DGKB: variants seen among roughly 807,000 people sequenced by gnomAD.
DGKB encodes the protein diacylglycerol kinase beta.
DGKB carries 67 observed loss-of-function variants against 114.3 expected under a neutral mutation model. The ratio of observed to expected loss-of-function variants is 0.59; its 90% CI spans 0.48 to 0.72. The LOEUF is 0.72. DGKB is among the 30% of genes least tolerant of loss of function. The pLI is 0.00. For missense variants in DGKB, 907 were observed against 975.2 expected, an observed-to-expected ratio of 0.93 and a Z score of 0.93; for synonymous variants, 398 against 323.1, an observed-to-expected ratio of 1.23 and a Z score of -2.49.
rs138354036 is a variant in DGKB at position 14,879,289 on chromosome 7, T to C, written c.-188+23303A>G. 3.3e-3 allele frequency among the ~76,000 whole-genome samples: 494 copies of C among 150,200 alleles called. 5 individuals are homozygous for C. Among genetic ancestry groups the C allele is most frequent in the Non-Finnish European group, 5.1e-3 (346 of 68,022 alleles). On this transcript the variant is annotated intron_variant, in intron 1 of 25. Coordinates refer to ENST00000402815, the MANE Select transcript of DGKB (RefSeq NM_001350709.2). ...TGTCTATGTTAGGGAGCCCAGTCTA[T>C]CTAAAAAAATATTTAATATGGTAAA...
rs143573614 is a variant in DGKB, at chr7:14,146,061, G to A, written c.*3070C>T. On this transcript the variant is annotated 3_prime_UTR_variant, in exon 26 of 26. Coordinates refer to ENST00000402815, the MANE Select transcript of DGKB (RefSeq NM_001350709.2). Reference sequence around the variant, plus strand: ...TGTTTTATTCTGGCTATGATCACATGAACCTGTTTTAAATAAAATAAAAAC... The same window carrying A: ...TGTTTTATTCTGGCTATGATCACATAAACCTGTTTTAAATAAAATAAAAAC... 1 of 152,154 alleles carries A rather than the reference G, an allele frequency of 6.6e-6. No homozygotes were observed. Among genetic ancestry groups the A allele is most frequent in the Non-Finnish European group, 1.5e-5 (1 of 68,024 alleles). 9.4% of individuals were successfully genotyped at this position (152,154 alleles called of 1,614,324 possible). A position where few individuals can be genotyped will look rare whatever the true frequency, so the allele number is the denominator to read the frequency against.
intron 17 of DGKB, among the ~76,000 whole-genome samples, chr7:14,591,551 T>C (rs1168577992): frequency 6.6e-6 from 1 of 152,100 alleles, no homozygotes; most frequent in African/African-American, 2.4e-5. Flanking sequence ...TCTTTTTTTA[T>C]CATATTTGCT....
At chr7:14,485,059 T>C (rs1783560662) in intron 20 of DGKB, among the ~76,000 whole-genome samples, 1 of 150,004 alleles carries the variant, frequency 6.7e-6, no homozygotes, top group African/African-American at 2.5e-5. Flanking sequence ...CTGAGTCCTA[T>C]GGGGAAAAAT....
At chr7:14,746,063 C>T (rs1833239404) in intron 4 of DGKB, among the ~76,000 whole-genome samples, 2 of 152,150 alleles carry the variant, frequency 1.3e-5, no homozygotes, top group Non-Finnish European at 2.9e-5. Flanking sequence ...ATCATTCATT[C>T]AGGCTGGGCA....
intron 13 of DGKB, among the ~76,000 whole-genome samples, chr7:14,646,128 C>G (rs1389151668): frequency 6.6e-6 from 1 of 152,138 alleles, no homozygotes; most frequent in African/African-American, 2.4e-5. Flanking sequence ...ACAAAAATCT[C>G]ACTTCACTTG....
chr7:14,868,804 G>A (rs780797788), intron 1 of DGKB, among the ~76,000 whole-genome samples: 1 of 152,126 alleles, frequency 6.6e-6, no homozygotes, highest in Non-Finnish European at 1.5e-5. Context: ...CAAAGCTGAG[G>A]TGAAATTAAA....
intron 1 of DGKB, among the ~76,000 whole-genome samples, chr7:14,933,150 T>G (rs1194600413): frequency 1.3e-5 from 2 of 152,206 alleles, no homozygotes; most frequent in Non-Finnish European, 2.9e-5. Context: ...AGGCACTAAC[T>G]ACCAGAATTT....
chr7:14,863,578 A>T (rs1851287099), intron 1 of DGKB, among the ~76,000 whole-genome samples: 2 of 152,038 alleles, frequency 1.3e-5, no homozygotes, highest in Admixed American at 6.6e-5. Context: ...CCTAAATAAG[A>T]ATGCTGTAAT....
At chr7:14,807,735 T>A (rs1842947033) in intron 2 of DGKB, among the ~76,000 whole-genome samples, 1 of 152,008 alleles carries the variant, frequency 6.6e-6, no homozygotes, top group South Asian at 2.1e-4. Context: ...AGACATTTTA[T>A]GGTAGAATAA....
intron 2 of DGKB, among the ~76,000 whole-genome samples, chr7:14,825,210 T>C (rs982848665): frequency 1.3e-5 from 2 of 151,480 alleles, no homozygotes; most frequent in Non-Finnish European, 2.9e-5. Context: ...AGATCACTGG[T>C]CCCCAGACTT....
chr7:14,160,446 T>G (rs1783706214), intron 25 of DGKB, among the ~76,000 whole-genome samples: 1 of 152,182 alleles, frequency 6.6e-6, no homozygotes. Context: ...ACAAAATCAA[T>G]GTGCAAGAAT....
chr7:14,677,533 A>C (rs1477789655), intron 12 of DGKB, among the ~76,000 whole-genome samples: 2 of 152,028 alleles, frequency 1.3e-5, no homozygotes, highest in Non-Finnish European at 2.9e-5. Flanking sequence ...TCATAGCAAA[A>C]GTTAGTAATT....
At chr7:14,529,756 T>C (rs1039059645) in intron 20 of DGKB, among the ~76,000 whole-genome samples, 9 of 151,826 alleles carry the variant, frequency 5.9e-5, no homozygotes, top group Non-Finnish European at 1.3e-4. Context: ...CTCCAACAGG[T>C]CCATGAAACA....
At chr7:14,159,072 C>G (rs182032290) in intron 25 of DGKB, among the ~76,000 whole-genome samples, 2 of 152,260 alleles carry the variant, frequency 1.3e-5, no homozygotes, top group African/African-American at 4.8e-5. Context: ...ACTCACATCA[C>G]TTTCCTGTTG....
At chr7:14,233,870 C>T (rs965525671) in intron 23 of DGKB, among the ~76,000 whole-genome samples, 4 of 151,954 alleles carry the variant, frequency 2.6e-5, no homozygotes, top group Non-Finnish European at 4.4e-5. Context: ...GAGAGAAAGC[C>T]GGAAATAAAG....
chr7:14,316,304 A>G (rs1239668943), intron 23 of DGKB, among the ~76,000 whole-genome samples: 2 of 146,594 alleles, frequency 1.4e-5, no homozygotes, highest in African/African-American at 5.1e-5. Flanking sequence ...TGAAGGAAAT[A>G]GAGACACAAA....
At chr7:14,352,059 C>A (rs914001080) in intron 21 of DGKB, among the ~76,000 whole-genome samples, 2 of 152,092 alleles carry the variant, frequency 1.3e-5, no homozygotes, top group Non-Finnish European at 2.9e-5. Context: ...ATTCAAATGA[C>A]AGATAAAAAT....
chr7:14,697,752 G>GAAAGAAAT (rs1554604571), intron 8 of DGKB, among the ~76,000 whole-genome samples: 93 of 131,888 alleles, frequency 7.1e-4, no homozygotes, highest in Non-Finnish European at 1.3e-3. Flanking sequence ...AGGAAAGAAA[G>GAAAGAAAT]AAAGAAAGAA....
chr7:14,352,983 T>C (rs140233125), intron 21 of DGKB, among the ~76,000 whole-genome samples: 28 of 152,148 alleles, frequency 1.8e-4, no homozygotes, highest in Admixed American at 2.0e-4. Context: ...ATAATAAAAG[T>C]GTCCCTAAGA....
Sources: allele counts gnomAD v4.1 joint callset (sites outside exome capture counted in the v4.1 genomes callset), GRCh38; gene constraint gnomAD v4.1.1; transcripts MANE v1.5; gene names NCBI Gene and HGNC (gene_info 2026-07-23, HGNC 2026-07-21).